Variants in FAM53A observed in about 807,000 individuals in gnomAD.
FAM53A encodes the protein protein FAM53A.
In FAM53A, 28 loss-of-function variants were observed where a neutral mutation model predicts 26.6. That is an observed-to-expected ratio of 1.05 (90% CI 0.78 to 1.45). FAM53A has a LOEUF of 1.45. Among genes scored for constraint, FAM53A ranks in the 40% most tolerant of loss-of-function variants. The probability of loss-of-function intolerance (pLI) is 0.00; values close to 1 mark genes in which losing one functional copy is unlikely to be tolerated. For missense variants in FAM53A, 650 were observed against 575.8 expected (o/e 1.13, Z -1.32); for synonymous variants, 290 against 253.1 (o/e 1.15, Z -1.38).
downstream of FAM53A, among the ~76,000 whole-genome samples, chr4:1,637,430 G>A (rs968790825): frequency 1.3e-5 from 2 of 152,156 alleles, no homozygotes; most frequent in African/African-American, 2.4e-5. Context: ...GAGGGACAGA[G>A]GGAGCCTGGG....
At chr4:1,661,960 CT>C (rs1713868263) in intron 2 of FAM53A, among the ~76,000 whole-genome samples, 1 of 152,154 alleles carries the variant, frequency 6.6e-6, no homozygotes, top group African/African-American at 2.4e-5. Context: ...AACCCAAATG[CT>C]TGTGCACTGT....
intron 1 of FAM53A, among the ~76,000 whole-genome samples, chr4:1,622,481 C>T (rs988231081): frequency 1.3e-5 from 2 of 152,256 alleles, no homozygotes; most frequent in African/African-American, 4.8e-5. Context: ...CTCCTCCTCC[C>T]TCCCAGGGCA....
chr4:1,606,239 G>GT, the FAM53A span, among the ~76,000 whole-genome samples: 6 of 151,600 alleles, frequency 4.0e-5, no homozygotes, highest in African/African-American at 1.5e-4. Context: ...TAGAGACAGG[G>GT]TTTCACCGTG....
At chr4:1,656,199 G>C (rs748440273) in intron 3 of FAM53A, among the ~76,000 whole-genome samples, 107 of 152,212 alleles carry the variant, frequency 7.0e-4, no homozygotes, top group Non-Finnish European at 8.4e-4. Flanking sequence ...TCTTCAGGGA[G>C]AGTCTGAGCC....
rs1473063156 is a variant in FAM53A at position 1,618,179 on chromosome 4, C to T, written c.432-68G>A. 3.3e-5 allele frequency: 15 copies of T among 455,950 alleles called. No individual in the cohort carries two copies. The East Asian group carries it at 6.9e-4, about 21-fold the overall frequency. 28.2% of individuals were successfully genotyped at this position (455,950 alleles called of 1,614,324 possible). ...AGAAGTAGAACCAGAAGACAGGGCA[C>T]GTGCTGCCTCGCAGAGACAGTGAGG... On this transcript the variant is annotated intron_variant, in intron 1 of 1. Coordinates refer to the FAM53A transcript ENST00000489029.
rs1715371341 is a variant in FAM53A at position 1,627,725 on chromosome 4, G to A, written c.432-9614C>T. Among the ~76,000 whole-genome samples, 5 of 152,210 alleles carry A rather than the reference G, an allele frequency of 3.3e-5. No individual in the cohort carries two copies. The South Asian group carries it at 1.0e-3, about 32-fold the overall frequency. ...CGGGGAGGAAGCCCAGGGCCAGAGG[G>A]TCCCACTCCCTCCCTCCACCACCCC... On this transcript the variant is annotated intron_variant, in intron 1 of 1. Transcript: ENST00000489029.
At position 1,655,025 on chromosome 4, in the gene FAM53A, C is replaced by G; in HGVS notation, c.835G>C (p.Asp279His). ...RSRRKRRREEDARWTRPSLDF... is the reference protein window; with the variant it reads ...RSRRKRRREEHARWTRPSLDF... ...AAGGATGGGCGTGTCCACCTGGCGT[C>G]CTCCTCACGCCTCCGTTTGCGCCGG... The change falls in exon 4 of 5, where the codon GAC (aspartate) becomes CAC (histidine). Residue 279 changes from aspartate (D) to histidine (H), a missense_variant. By Grantham distance (81) the Asp-to-His change is moderately conservative. Coordinates refer to ENST00000308132, the MANE Select transcript of FAM53A (RefSeq NM_001174070.3). 6.4e-7 allele frequency: 1 copy of G among 1,564,078 alleles called. No homozygotes were observed. Among genetic ancestry groups the G allele is most frequent in the Middle Eastern group, 1.7e-4 (1 of 5,868 alleles).
rs1711675253 is a variant in FAM53A at position 1,641,242 on chromosome 4, C to T, written c.*51G>A. 1 of 1,598,408 alleles carries T rather than the reference C, an allele frequency of 6.3e-7. No homozygotes were observed. ...AGCTCACAGGAAACCTACTCTGTGC[C>T]CCAGGGCAGGTGCAGGCGGCAGCCA... On this transcript the variant is annotated 3_prime_UTR_variant, in exon 5 of 5. Coordinates refer to ENST00000308132, the MANE Select transcript of FAM53A (RefSeq NM_001174070.3).
chr4:1,616,919 T>G (rs924994918), downstream of FAM53A, among the ~76,000 whole-genome samples: 1 of 152,148 alleles, frequency 6.6e-6, no homozygotes, highest in Non-Finnish European at 1.5e-5. Context: ...GGTGGATCAC[T>G]TGAAATCAGG....
intron 1 of FAM53A, among the ~76,000 whole-genome samples, chr4:1,673,508 T>C (rs1577152162): frequency 6.6e-6 from 1 of 151,462 alleles, no homozygotes; most frequent in Non-Finnish European, 1.5e-5. Flanking sequence ...CCGAGGAGGG[T>C]AGATCAGGAG....
At chr4:1,649,647 C>T (rs980070035) in intron 4 of FAM53A, among the ~76,000 whole-genome samples, 1 of 152,234 alleles carries the variant, frequency 6.6e-6, no homozygotes, top group African/African-American at 2.4e-5. Context: ...CAGGGAGGCC[C>T]ATGTGGCAAA....
At chr4:1,680,054 C>T (rs1172094028) in intron 1 of FAM53A, among the ~76,000 whole-genome samples, 1 of 145,302 alleles carries the variant, frequency 6.9e-6, no homozygotes, top group African/African-American at 2.5e-5. Context: ...GGCACGGTGG[C>T]TCACACCTGT....
chr4:1,631,059 T>A (rs1319927684), intron 1 of FAM53A, among the ~76,000 whole-genome samples: 1 of 152,100 alleles, frequency 6.6e-6, no homozygotes, highest in Non-Finnish European at 1.5e-5. Context: ...AATATAATAA[T>A]AAATTAATAA....
chr4:1,633,524 G>A (rs1715704450), intron 1 of FAM53A, among the ~76,000 whole-genome samples: 1 of 152,086 alleles, frequency 6.6e-6, no homozygotes, highest in Admixed American at 6.6e-5. Context: ...GACACAGGAG[G>A]GAAAAACAAC....
chr4:1,625,826 G>A (rs1046592884), intron 1 of FAM53A, among the ~76,000 whole-genome samples: 10 of 151,944 alleles, frequency 6.6e-5, no homozygotes, highest in African/African-American at 9.7e-5. Flanking sequence ...TCAGGGTCAC[G>A]CCAAGTGGAG....
At chr4:1,590,579 C>G in the FAM53A span, among the ~76,000 whole-genome samples, 1 of 152,010 alleles carries the variant, frequency 6.6e-6, no homozygotes, top group African/African-American at 2.4e-5. Context: ...GTTATGCAAA[C>G]AATCCAAACC....
intron 4 of FAM53A, among the ~76,000 whole-genome samples, chr4:1,650,719 C>T (rs1170814658): frequency 2.0e-5 from 3 of 150,040 alleles, no homozygotes; most frequent in Non-Finnish European, 4.4e-5. Flanking sequence ...TGGTCTCGAA[C>T]TCCTGACCTC....
chr4:1,631,115 A>G (rs953982721), intron 1 of FAM53A, among the ~76,000 whole-genome samples: 15 of 152,266 alleles, frequency 9.9e-5, no homozygotes, highest in African/African-American at 1.7e-4. Context: ...ATAAATTATT[A>G]TAACACTTTA....
At chr4:1,622,692 C>T (rs530099562) in intron 1 of FAM53A, among the ~76,000 whole-genome samples, 62 of 152,288 alleles carry the variant, frequency 4.1e-4, no homozygotes, top group African/African-American at 1.3e-3. Flanking sequence ...GGAGGGAGGT[C>T]GGGAACAGCG....
Sources: allele counts gnomAD v4.1 joint callset (sites outside exome capture counted in the v4.1 genomes callset), GRCh38; gene constraint gnomAD v4.1.1; transcripts MANE v1.5; gene names NCBI Gene and HGNC (gene_info 2026-07-23, HGNC 2026-07-21).